Variants in PMS1 observed in about 807,000 individuals in gnomAD.
PMS1 encodes the protein PMS1 homolog 1, mismatch repair system component.
A neutral mutation model predicts 93.1 loss-of-function variants in PMS1; 79 were observed. The observed-to-expected ratio is 0.85, with a 90% CI of 0.71 to 1.02. PMS1 has a LOEUF of 1.02. Among genes scored for constraint, PMS1 ranks in the 50% least tolerant of loss-of-function variants. The probability of loss-of-function intolerance (pLI) is 0.00; values close to 1 mark genes in which losing one functional copy is unlikely to be tolerated. For missense variants in PMS1, 1,064 were observed against 1,085.3 expected, an observed-to-expected ratio of 0.98 and a Z score of 0.28; for synonymous variants, 335 against 363.4, an observed-to-expected ratio of 0.92 and a Z score of 0.89.
Position 189,854,923 on chromosome 2 carries a change from AATGT to A in PMS1, c.1653_1656del (p.Asn551LysfsTer2). On this transcript the variant is annotated frameshift_variant, in exon 9 of 13. Transcript: ENST00000441310. LOFTEE classifies it high-confidence loss of function. ...TGAAGATTCATGTAACAAAAAATCA[AATGT>A]AATAGATAATAAATCTGGAAAAGTT... 6 of 1,604,066 alleles carry A rather than the reference AATGT, an allele frequency of 3.7e-6. No homozygotes were observed. The highest frequency in any genetic ancestry group is 5.1e-6 in the Non-Finnish European group (6 of 1,171,978).
chr2:189,863,219 T>C (rs2056208714), intron 9 of PMS1, among the ~76,000 whole-genome samples: 1 of 151,648 alleles, frequency 6.6e-6, no homozygotes, highest in Non-Finnish European at 1.5e-5. Context: ...TGTGTGTTTG[T>C]TTGTTGTTGT....
chr2:189,804,791 G>C (rs1429355419), intron 3 of PMS1, among the ~76,000 whole-genome samples: 1 of 152,122 alleles, frequency 6.6e-6, no homozygotes, highest in African/African-American at 2.4e-5. Flanking sequence ...AGATGGCCAA[G>C]AAAGATTACT....
chr2:189,840,504 CTTAAT>C, intron 5 of PMS1, among the ~76,000 whole-genome samples: 1 of 152,192 alleles, frequency 6.6e-6, no homozygotes, highest in Non-Finnish European at 1.5e-5. Context: ...TTAGGCTAAA[CTTAAT>C]TTAACATACT....
chr2:189,822,194 G>A (rs954327148), intron 5 of PMS1, among the ~76,000 whole-genome samples: 1 of 152,206 alleles, frequency 6.6e-6, no homozygotes, highest in Admixed American at 6.5e-5. Flanking sequence ...TGGCGCTGAA[G>A]TCGGATCCGG....
chr2:189,797,490 T>C (rs1198038998), intron 3 of PMS1, among the ~76,000 whole-genome samples: 16 of 152,190 alleles, frequency 1.1e-4, no homozygotes, highest in Non-Finnish European at 1.5e-5. Context: ...TTTTGTACTA[T>C]ACTATTACCC....
chr2:189,867,069 G>T (rs553011569), intron 10 of PMS1, among the ~76,000 whole-genome samples: 1 of 152,186 alleles, frequency 6.6e-6, no homozygotes, highest in African/African-American at 2.4e-5. Flanking sequence ...ACACAGAACA[G>T]TGCCTTGCAT....
At chr2:189,795,403 T>A (rs2049261647) in intron 2 of PMS1, among the ~76,000 whole-genome samples, 1 of 152,244 alleles carries the variant, frequency 6.6e-6, no homozygotes, top group Admixed American at 6.5e-5. Flanking sequence ...TGTTCTGTTC[T>A]GTTTTGTTTT....
intron 12 of PMS1, among the ~76,000 whole-genome samples, chr2:189,875,636 C>A (rs1407315695): frequency 6.6e-6 from 1 of 151,962 alleles, no homozygotes; most frequent in Non-Finnish European, 1.5e-5. Flanking sequence ...CTGTGTTGAA[C>A]TGGTGGAAGA....
chr2:189,814,053 A>T (rs909077182), intron 4 of PMS1, among the ~76,000 whole-genome samples: 1 of 152,204 alleles, frequency 6.6e-6, no homozygotes, highest in African/African-American at 2.4e-5. Context: ...GGCAGAATGC[A>T]TACCTGCTCT....
chr2:189,831,470 A>G (rs2052924160), intron 5 of PMS1, among the ~76,000 whole-genome samples: 1 of 152,226 alleles, frequency 6.6e-6, no homozygotes, highest in Admixed American at 6.5e-5. Flanking sequence ...TATTATGAGG[A>G]AGAATCAATG....
rs766919900 is a variant in PMS1, at chr2:189,864,009, T to C, written c.2123T>C (p.Ile708Thr). The change falls in exon 10 of 13, where the codon ATA (isoleucine) becomes ACA (threonine). Residue 708 changes from isoleucine (I) to threonine (T), a missense_variant. Physicochemically the swap from Ile to Thr is moderately conservative, Grantham distance 89 (BLOSUM62 -1). Coordinates refer to ENST00000441310, the MANE Select transcript of PMS1 (RefSeq NM_000534.5). ...CCCTTTTCTATGAAAAACTTAAAAATAAATTTTAAGAAACAAAACAAAGTT... is the reference window on the plus strand; with the variant it reads ...CCCTTTTCTATGAAAAACTTAAAAACAAATTTTAAGAAACAAAACAAAGTT... Reference protein sequence around the residue: ...QIPFSMKNLKINFKKQNKVDL... With the variant: ...QIPFSMKNLKTNFKKQNKVDL... 6.2e-7 allele frequency: 1 copy of C among 1,608,852 alleles called. No homozygotes were observed. Among genetic ancestry groups the C allele is most frequent in the Non-Finnish European group, 8.5e-7 (1 of 1,176,462 alleles).
chr2:189,794,982 C>T (rs1559215314), intron 2 of PMS1, among the ~76,000 whole-genome samples: 4 of 152,080 alleles, frequency 2.6e-5, no homozygotes, highest in Admixed American at 2.0e-4. Flanking sequence ...CAGCTATAGT[C>T]CCAGCACCTC....
intron 4 of PMS1, among the ~76,000 whole-genome samples, chr2:189,816,508 C>G (rs546844652): frequency 4.9e-4 from 75 of 152,156 alleles, no homozygotes; most frequent in South Asian, 1.0e-3. Flanking sequence ...AATGTACTTT[C>G]TTTTTTCTTC....
intron 5 of PMS1, among the ~76,000 whole-genome samples, chr2:189,824,472 C>T (rs925189344): frequency 5.3e-5 from 8 of 151,792 alleles, no homozygotes; most frequent in Middle Eastern, 3.2e-3. Context: ...TTACATTAAA[C>T]CTGTTCATAT....
intron 6 of PMS1, among the ~76,000 whole-genome samples, chr2:189,848,132 G>C (rs1055991250): frequency 6.6e-6 from 1 of 152,142 alleles, no homozygotes; most frequent in Non-Finnish European, 1.5e-5. Flanking sequence ...CAAGGGTACT[G>C]TCTGAATTCT....
At chr2:189,846,495 C>G (rs1173497423) in intron 6 of PMS1, among the ~76,000 whole-genome samples, 3 of 146,728 alleles carry the variant, frequency 2.0e-5, no homozygotes, top group Non-Finnish European at 4.5e-5. Context: ...GCCTGGGCAA[C>G]AGAGCAAGAC....
chr2:189,815,456 A>G (rs1322706904), intron 4 of PMS1, among the ~76,000 whole-genome samples: 2 of 152,182 alleles, frequency 1.3e-5, no homozygotes, highest in Non-Finnish European at 1.5e-5. Context: ...AGTTTCTCCC[A>G]TGCTGTTCTC....
At chr2:189,855,338 T>C (rs2055201398) in intron 9 of PMS1, among the ~76,000 whole-genome samples, 1 of 88,562 alleles carries the variant, frequency 1.1e-5, no homozygotes, top group South Asian at 2.8e-4. Flanking sequence ...ATTATTTTGT[T>C]TTTTTTTTGT....
At chr2:189,800,748 A>G (rs2049811479) in intron 3 of PMS1, among the ~76,000 whole-genome samples, 1 of 152,200 alleles carries the variant, frequency 6.6e-6, no homozygotes, top group Admixed American at 6.5e-5. Flanking sequence ...TCCTAGGCTC[A>G]GTGGATCGAT....
Sources: allele counts gnomAD v4.1 joint callset (sites outside exome capture counted in the v4.1 genomes callset), GRCh38; gene constraint gnomAD v4.1.1; transcripts MANE v1.5; gene names NCBI Gene and HGNC (gene_info 2026-07-23, HGNC 2026-07-21).